KNTC1: variants seen among roughly 807,000 people sequenced by gnomAD.
KNTC1 encodes the protein kinetochore associated 1.
KNTC1 carries 253 observed loss-of-function variants against 314.4 expected under a neutral mutation model. The observed-to-expected ratio is 0.80, with a 90% CI of 0.73 to 0.89. KNTC1 has a LOEUF of 0.89. Ranked by LOEUF, KNTC1 falls within the 40% of genes least tolerant of loss-of-function variation. KNTC1 has a pLI of 0.00. For missense variants in KNTC1, 2,475 were observed against 2,572.9 expected, an observed-to-expected ratio of 0.96 and a Z score of 0.82; for synonymous variants, 901 against 901.4, an observed-to-expected ratio of 1.00 and a Z score of 0.01.
chr12:122,614,968 T>C lies in KNTC1; in HGVS notation c.5878-23T>C, dbSNP rs1405303933. ...TTACTGGTGTCTTGGAATAGCATGA[T>C]TTTTTTCTTTTTTTGGCTTCAGGCA... On this transcript the variant is annotated intron_variant, in intron 55 of 63. Coordinates refer to ENST00000333479, the MANE Select transcript of KNTC1 (RefSeq NM_014708.6). 7 of 1,577,900 alleles carry C rather than the reference T, an allele frequency of 4.4e-6. No homozygotes were observed. The East Asian group carries it at 1.6e-4, about 35-fold the overall frequency.
chr12:122,559,842 C>T (rs906732166), intron 18 of KNTC1, among the ~76,000 whole-genome samples: 3 of 152,086 alleles, frequency 2.0e-5, no homozygotes, highest in African/African-American at 2.4e-5. Context: ...CCCAAAGTGC[C>T]GCAATTATAG....
rs75616234 is a variant in KNTC1 at position 122,607,057 on chromosome 12, G to A, written c.5496+1642G>A. ...ACTATGCCTTGCATTTGTTGGTCAT[G>A]TCTCTAGTCTGTTTTTGTTTTTTTG... On this transcript the variant is annotated intron_variant, in intron 51 of 63. Transcript: ENST00000333479. 3.2e-3 allele frequency among the ~76,000 whole-genome samples: 490 copies of A among 152,204 alleles called. 4 individuals are homozygous for A. Among genetic ancestry groups the A allele is most frequent in the African/African-American group, 0.011 (466 of 41,524 alleles).
chr12:122,614,554 A>G (rs1873558375), intron 55 of KNTC1, among the ~76,000 whole-genome samples: 1 of 152,100 alleles, frequency 6.6e-6, no homozygotes, highest in Non-Finnish European at 1.5e-5. Flanking sequence ...CATTAGAAAG[A>G]TGGGGGTCTT....
chr12:122,553,285 G>T (rs114315211), intron 16 of KNTC1, among the ~76,000 whole-genome samples: 1 of 152,138 alleles, frequency 6.6e-6, no homozygotes, highest in African/African-American at 2.4e-5. Context: ...ATTGGGTGAC[G>T]ATGGCATGAC....
chr12:122,620,583 C>CA lies in KNTC1; in HGVS notation c.6255dup (p.Glu2086ArgfsTer8). On this transcript the variant is annotated frameshift_variant, in exon 60 of 64. Transcript: ENST00000333479. LOFTEE classifies it high-confidence loss of function. ...GCTTGTCTGATGCTCATGCCCCACTCAGAGAAAAGACACCAGCAAATTAAG... is the reference window on the plus strand; with the variant it reads ...GCTTGTCTGATGCTCATGCCCCACTCAAGAGAAAAGACACCAGCAAATTAAG... 1 of 1,613,656 alleles carries CA rather than the reference C, an allele frequency of 6.2e-7. No homozygotes were observed. Among genetic ancestry groups the CA allele is most frequent in the South Asian group, 1.1e-5 (1 of 91,030 alleles).
chr12:122,624,967 C>A (rs1046708092), intron 63 of KNTC1, among the ~76,000 whole-genome samples: 1 of 152,192 alleles, frequency 6.6e-6, no homozygotes, highest in Admixed American at 6.5e-5. Context: ...CATTACCATT[C>A]CTCATAAGGT....
At chr12:122,623,707 T>C (rs1874683670) in intron 62 of KNTC1, among the ~76,000 whole-genome samples, 1 of 152,174 alleles carries the variant, frequency 6.6e-6, no homozygotes, top group Non-Finnish European at 1.5e-5. Context: ...ATTCTTGTGA[T>C]ACCCAAATTC....
intron 51 of KNTC1, 67 bp from the exon 52 acceptor site, chr12:122,609,317 A>G (rs1411608356): frequency 2.6e-5 from 23 of 892,624 alleles, no homozygotes; most frequent in Non-Finnish European, 3.9e-5. Context: ...AGATTTTCAG[A>G]GAGATGAATG....
chr12:122,533,740 G>GA (rs1565926485), intron 2 of KNTC1, among the ~76,000 whole-genome samples: 1 of 151,954 alleles, frequency 6.6e-6, no homozygotes, highest in African/African-American at 2.4e-5. Context: ...CAGAATGTTG[G>GA]GGAATTTTCA....
chr12:122,626,094 T>A (rs1322837135), intron 63 of KNTC1, 111 bp from the exon 64 acceptor site: 6 of 744,528 alleles, frequency 8.1e-6, no homozygotes, highest in Non-Finnish European at 1.4e-5. Context: ...CCAAATAGTT[T>A]GATATGTAGA....
At chr12:122,599,364 T>A (rs199922402) in intron 44 of KNTC1, among the ~76,000 whole-genome samples, 32 of 8,192 alleles carry the variant, frequency 3.9e-3, no homozygotes, top group Admixed American at 4.9e-3. Context: ...GGGAAAAAAA[T>A]TTTTTTTTTT....
intron 35 of KNTC1, 64 bp downstream of exon 35, chr12:122,584,514 ATGC>A: frequency 7.9e-7 from 1 of 1,258,644 alleles, no homozygotes; most frequent in Non-Finnish European, 1.1e-6. Flanking sequence ...TGTCTCCCAA[ATGC>A]TGTCTCTTTA....
intron 30 of KNTC1, 148 bp from the exon 31 acceptor site, chr12:122,577,524 A>G: frequency 2.4e-6 from 2 of 846,294 alleles, no homozygotes; most frequent in Non-Finnish European, 3.5e-6. Context: ...TAAAATAAAA[A>G]TGGATTTTCG....
At chr12:122,585,061 AG>A (rs1869037661) in intron 36 of KNTC1, 71 bp downstream of exon 36, 15 of 848,970 alleles carry the variant, frequency 1.8e-5, no homozygotes, top group Non-Finnish European at 1.4e-5. Context: ...TTTTTCGGAC[AG>A]GGTTTTGTTC....
chr12:122,574,464 A>ATT, intron 27 of KNTC1, 84 bp downstream of exon 27: 1 of 835,086 alleles, frequency 1.2e-6, no homozygotes, highest in African/African-American at 1.7e-5. Flanking sequence ...AAAGCGACAT[A>ATT]TATTTGTTTT....
At chr12:122,540,523 T>C (rs1962221660) in intron 5 of KNTC1, among the ~76,000 whole-genome samples, 1 of 152,150 alleles carries the variant, frequency 6.6e-6, no homozygotes, top group African/African-American at 2.4e-5. Context: ...AATTTTTAAA[T>C]TTTTGAAAAA....
intron 7 of KNTC1, 126 bp downstream of exon 7, chr12:122,543,760 A>T: frequency 1.6e-6 from 1 of 622,582 alleles, no homozygotes; most frequent in Non-Finnish European, 2.7e-6. Flanking sequence ...TAACATTTTA[A>T]TAACATTTCT....
rs567055860 is a variant in KNTC1 at position 122,548,019 on chromosome 12, G to A, written c.987+50G>A. ...TTGCCTATATTATGTGTTAGAAAAAGCATTAGTGAATACAAAAGTAGATGT... is the reference window on the plus strand; with the variant it reads ...TTGCCTATATTATGTGTTAGAAAAAACATTAGTGAATACAAAAGTAGATGT... On this transcript the variant is annotated intron_variant, in intron 12 of 63. Coordinates refer to ENST00000333479, the MANE Select transcript of KNTC1 (RefSeq NM_014708.6). 3 of 1,167,696 alleles carry A rather than the reference G, an allele frequency of 2.6e-6. No homozygotes were observed. The South Asian group carries it at 4.4e-5, about 17-fold the overall frequency. 72.3% of individuals were successfully genotyped at this position (1,167,696 alleles called of 1,614,324 possible).
intron 45 of KNTC1, chr12:122,602,341 C>T (rs935905912): frequency 2.8e-6 from 1 of 358,800 alleles, no homozygotes; most frequent in African/African-American, 2.1e-5. Flanking sequence ...CATCTACCAA[C>T]AACAGGGCAC....
Sources: allele counts gnomAD v4.1 joint callset (sites outside exome capture counted in the v4.1 genomes callset), GRCh38; gene constraint gnomAD v4.1.1; transcripts MANE v1.5; gene names NCBI Gene and HGNC (gene_info 2026-07-23, HGNC 2026-07-21).